The following MYO10 variants were observed in gnomAD, a reference collection of about 807,000 sequenced individuals.
The protein encoded by MYO10 is unconventional myosin-X.
MYO10 carries 133 observed loss-of-function variants against 257.3 expected under a neutral mutation model. The observed-to-expected ratio is 0.52, with a 90% CI of 0.45 to 0.60. MYO10 has a LOEUF of 0.60. MYO10 is among the 20% of genes least tolerant of loss of function. The probability of loss-of-function intolerance (pLI) is 0.00; values close to 1 mark genes in which losing one functional copy is unlikely to be tolerated. For missense variants in MYO10, 2,399 were observed against 2,635.7 expected (o/e 0.91, Z 1.97); for synonymous variants, 1,104 against 1,028.6 (o/e 1.07, Z -1.40).
Position 16,782,283 on chromosome 5 carries a change from A to G in MYO10, c.603-454T>C, listed in dbSNP as rs77880539. Among the ~76,000 whole-genome samples, 766 of 152,294 alleles carry G rather than the reference A, an allele frequency of 5.0e-3. 9 individuals carry two copies. The highest frequency in any genetic ancestry group is 0.017 in the African/African-American group (721 of 41,554). On this transcript the variant is annotated intron_variant, in intron 5 of 40. Coordinates refer to ENST00000513610, the MANE Select transcript of MYO10 (RefSeq NM_012334.3). The stretch of plus-strand genomic sequence containing the variant: ...GAGTCTGACTAGATCAGGGGCCGGC[A>G]AACTTTTTCTGGAAAGGACCAGACA...
intron 3 of MYO10, among the ~76,000 whole-genome samples, chr5:16,814,235 G>A (rs866520191): frequency 2.6e-4 from 40 of 152,112 alleles, no homozygotes; most frequent in African/African-American, 7.2e-4. Flanking sequence ...TCCGCCTCCC[G>A]GGTTCACGCC....
At chr5:16,685,614 T>TA (rs2126508957) in intron 29 of MYO10, 124 bp downstream of exon 29, 1 of 694,200 alleles carries the variant, frequency 1.4e-6, no homozygotes, top group Non-Finnish European at 2.4e-6. Context: ...TTAATTATTC[T>TA]ATATTTACCT....
intron 1 of MYO10, chr5:16,916,117 T>C (rs1033504612): frequency 2.6e-5 from 12 of 455,982 alleles, no homozygotes; most frequent in African/African-American, 2.2e-4. Flanking sequence ...ATCGCTGAAG[T>C]CTCATTACCG....
intron 19 of MYO10, among the ~76,000 whole-genome samples, chr5:16,729,534 T>A (rs1043159520): frequency 1.3e-5 from 2 of 150,980 alleles, no homozygotes; most frequent in African/African-American, 4.9e-5. Context: ...TCACTGCAAG[T>A]TCTGCCTCCC....
At chr5:16,869,656 G>C (rs1744394068) in intron 2 of MYO10, among the ~76,000 whole-genome samples, 1 of 151,564 alleles carries the variant, frequency 6.6e-6, no homozygotes, top group East Asian at 2.0e-4. Flanking sequence ...CCTGAGGTCA[G>C]GAGTTCAAGG....
At chr5:16,926,967 C>A (rs1216538602) in intron 1 of MYO10, among the ~76,000 whole-genome samples, 1 of 152,120 alleles carries the variant, frequency 6.6e-6, no homozygotes, top group Non-Finnish European at 1.5e-5. Flanking sequence ...TGACTTTCAG[C>A]AATAAAACCC....
chr5:16,823,467 GATT>G (rs1274096594), intron 2 of MYO10, among the ~76,000 whole-genome samples: 1 of 3,978 alleles, frequency 2.5e-4, no homozygotes, highest in Non-Finnish European at 5.8e-4. Context: ...GGGGAGTGGG[GATT>G]TTTTTTTTTT....
intron 21 of MYO10, among the ~76,000 whole-genome samples, chr5:16,706,008 T>C (rs184188067): frequency 3.6e-3 from 543 of 152,010 alleles, no homozygotes; most frequent in African/African-American, 0.013. Context: ...CATGGGGAAA[T>C]CCTGCCTTTA....
intron 3 of MYO10, among the ~76,000 whole-genome samples, chr5:16,798,288 T>C (rs1283763662): frequency 2.0e-5 from 3 of 152,192 alleles, no homozygotes; most frequent in African/African-American, 7.2e-5. Context: ...GTGAATGTAC[T>C]AAATGCCACT....
chr5:16,728,268 C>A (rs1395618053), intron 19 of MYO10, among the ~76,000 whole-genome samples: 1 of 152,174 alleles, frequency 6.6e-6, no homozygotes, highest in South Asian at 2.1e-4. Context: ...TCCTCTCCTG[C>A]ACACTGGACA....
chr5:16,805,861 T>C (rs1742260694), intron 3 of MYO10, among the ~76,000 whole-genome samples: 1 of 152,160 alleles, frequency 6.6e-6, no homozygotes, highest in Non-Finnish European at 1.5e-5. Flanking sequence ...CTTAAAAATG[T>C]TGGAGAAGCT....
At chr5:16,704,232 A>G (rs151228090) in intron 22 of MYO10, among the ~76,000 whole-genome samples, 2,381 of 152,026 alleles carry the variant, frequency 0.016, 51 homozygotes, top group African/African-American at 0.053. Flanking sequence ...GTCTGAGGTG[A>G]GAGAATTGCT....
At chr5:16,760,204 C>T (rs1216193296) in intron 17 of MYO10, among the ~76,000 whole-genome samples, 1 of 150,962 alleles carries the variant, frequency 6.6e-6, no homozygotes, top group Non-Finnish European at 1.5e-5. Flanking sequence ...GTAATCCCAG[C>T]ACTTTGGGAG....
chr5:16,792,589 GC>G (rs869217323), intron 4 of MYO10, among the ~76,000 whole-genome samples: 2,500 of 34,236 alleles, frequency 0.073, 24 homozygotes, highest in African/African-American at 0.076. Flanking sequence ...GGAGCGGGGG[GC>G]GGGGGGCTGC....
At chr5:16,692,415 G>C (rs184034955) in intron 27 of MYO10, among the ~76,000 whole-genome samples, 39 of 151,876 alleles carry the variant, frequency 2.6e-4, no homozygotes, top group African/African-American at 9.2e-4. Flanking sequence ...GTGAGACTTG[G>C]TCTCAAAAAA....
At chr5:16,923,348 A>G (rs1250650009) in intron 1 of MYO10, among the ~76,000 whole-genome samples, 2 of 150,030 alleles carry the variant, frequency 1.3e-5, no homozygotes, top group African/African-American at 2.5e-5. Context: ...GTGCAGTGGC[A>G]CGATCTCAGC....
At chr5:16,819,234 T>A (rs758371811) in intron 2 of MYO10, among the ~76,000 whole-genome samples, 3 of 152,176 alleles carry the variant, frequency 2.0e-5, no homozygotes, top group Non-Finnish European at 4.4e-5. Flanking sequence ...CTATCTTCTT[T>A]AAAATTCCAA....
intron 3 of MYO10, among the ~76,000 whole-genome samples, chr5:16,806,582 A>G (rs1742283109): frequency 6.6e-6 from 1 of 151,574 alleles, no homozygotes; most frequent in Non-Finnish European, 1.5e-5. Context: ...CAGGAGGAGG[A>G]GCTTGCAGTG....
chr5:16,818,467 C>T (rs1323799258), intron 2 of MYO10, among the ~76,000 whole-genome samples: 7 of 150,528 alleles, frequency 4.7e-5, no homozygotes, highest in African/African-American at 1.7e-4. Context: ...GGCATGATTT[C>T]ACTCTGTTAC....
Sources: allele counts gnomAD v4.1 joint callset (sites outside exome capture counted in the v4.1 genomes callset), GRCh38; gene constraint gnomAD v4.1.1; transcripts MANE v1.5; gene names NCBI Gene and HGNC (gene_info 2026-07-23, HGNC 2026-07-21).